The following STK10 variants were observed in gnomAD, a reference collection of about 807,000 sequenced individuals.
STK10 encodes serine/threonine kinase 10.
STK10 carries 78 observed loss-of-function variants against 113.8 expected under a neutral mutation model. The ratio of observed to expected loss-of-function variants is 0.69; its 90% CI spans 0.57 to 0.83. The LOEUF is 0.83. Ranked by LOEUF, STK10 falls within the 40% of genes least tolerant of loss-of-function variation. The probability of loss-of-function intolerance (pLI) is 0.00; values close to 1 mark genes in which losing one functional copy is unlikely to be tolerated. For synonymous variants in STK10, 465 were observed against 494.7 expected (o/e 0.94, Z 0.80); for missense variants, 1,109 against 1,280.1 (o/e 0.87, Z 2.04).
At chr5:172,050,714 T>C (rs1448737321) in intron 18 of STK10, among the ~76,000 whole-genome samples, 3 of 139,042 alleles carry the variant, frequency 2.2e-5, no homozygotes, top group Admixed American at 7.0e-5. Flanking sequence ...GCTTCTCAAT[T>C]TTTTTTTTTT....
At chr5:172,175,710 C>T (rs1391709607) in intron 1 of STK10, among the ~76,000 whole-genome samples, 3 of 152,156 alleles carry the variant, frequency 2.0e-5, no homozygotes, top group East Asian at 1.9e-4. Context: ...GAGTAGACAC[C>T]GCACTGAAGC....
At position 172,188,096 on chromosome 5, in the gene STK10, C is replaced by T. The variant is rs1336430174; in HGVS notation, c.-54G>A. ...GCTCGGGCTCGGGCTCGGGCTGTGG[C>T]TTCGGCGGCCGCGAGGAGAAGGAGG... On this transcript the variant is annotated 5_prime_UTR_variant, in exon 1 of 19. Transcript: ENST00000176763. The surrounding 1 kb of genome is among the most constrained non-coding windows in gnomAD (Gnocchi z 5.6). 6.3e-7 allele frequency: 1 copy of T among 1,578,570 alleles called. No individual in the cohort carries two copies. The highest frequency in any genetic ancestry group is 8.6e-7 in the Non-Finnish European group (1 of 1,162,804).
rs575483128 is a variant in STK10, at chr5:172,082,794, G to T, written c.1809+167C>A. 6.6e-6 allele frequency among the ~76,000 whole-genome samples: 1 copy of T among 152,280 alleles called. No individual in the cohort carries two copies. The highest frequency in any genetic ancestry group is 6.5e-5 in the Admixed American group (1 of 15,294). ...TCAGGATCGCTGTGACCTTCACGGG[G>T]TTCTGTGTTAACAAGTCACTGCCTA... On this transcript the variant is annotated intron_variant, in intron 11 of 18. Coordinates refer to ENST00000176763, the MANE Select transcript of STK10 (RefSeq NM_005990.4). The surrounding 1 kb of genome is among the most constrained non-coding windows in gnomAD (Gnocchi z 4.3).
At chr5:172,128,883 G>A (rs1403845902) in intron 2 of STK10, among the ~76,000 whole-genome samples, 4 of 152,228 alleles carry the variant, frequency 2.6e-5, no homozygotes, top group Admixed American at 2.0e-4. Flanking sequence ...GGAGGGTGGA[G>A]CAGCCTCAGG....
At chr5:172,065,012 T>C (rs1314426016) in intron 12 of STK10, among the ~76,000 whole-genome samples, 200 bp from the exon 13 acceptor site, 1 of 152,222 alleles carries the variant, frequency 6.6e-6, no homozygotes, top group Admixed American at 6.5e-5. Context: ...GCCGCTGGTT[T>C]CAGCTTCCAA....
chr5:172,078,779 T>TCAG (rs74647425), intron 12 of STK10, among the ~76,000 whole-genome samples: 32,064 of 151,914 alleles, frequency 0.21, 4,399 homozygotes, highest in African/African-American at 0.38. Flanking sequence ...ACGCTCTGCC[T>TCAG]CGTTCAGAGG....
At chr5:172,147,142 A>G (rs1339524163) in intron 2 of STK10, among the ~76,000 whole-genome samples, 3 of 152,198 alleles carry the variant, frequency 2.0e-5, no homozygotes, top group African/African-American at 7.2e-5. Flanking sequence ...ATTACAAAAG[A>G]TACAGATGAA....
intron 1 of STK10, among the ~76,000 whole-genome samples, chr5:172,175,494 C>G (rs1770742132): frequency 6.6e-6 from 1 of 152,134 alleles, no homozygotes; most frequent in African/African-American, 2.4e-5. Context: ...CCAGCAGCCC[C>G]ACCCACCAGG....
chr5:172,044,949 C>A lies in STK10; in HGVS notation c.2840G>T (p.Cys947Phe), dbSNP rs56355550. The part of the protein sequence containing the change: ...MFFKLSEEAE[C>F]PNPSTPSKAA... ...CTTGCTTGGGGTGGAGGGGTTTGGGCACTCCGCCTCCTCGCTCAGCTTGAA... is the reference window on the plus strand; with the variant it reads ...CTTGCTTGGGGTGGAGGGGTTTGGGAACTCCGCCTCCTCGCTCAGCTTGAA... The change falls in exon 19 of 19, where the codon TGC becomes TTC. Residue 947 changes from cysteine (C) to phenylalanine (F), a missense_variant. Transcript: ENST00000176763. The surrounding 1 kb of genome is among the most constrained non-coding windows in gnomAD (Gnocchi z 4.5). 5.0e-6 allele frequency: 8 copies of A among 1,614,072 alleles called. No individual in the cohort carries two copies. Among genetic ancestry groups the A allele is most frequent in the Middle Eastern group, 1.6e-4 (1 of 6,082 alleles).
chr5:172,144,321 C>G (rs1770038536), intron 2 of STK10, among the ~76,000 whole-genome samples: 3 of 152,234 alleles, frequency 2.0e-5, no homozygotes, highest in Non-Finnish European at 4.4e-5. Flanking sequence ...GCATGACCAT[C>G]AGCCCCCCAG....
intron 10 of STK10, among the ~76,000 whole-genome samples, chr5:172,085,701 A>AAT (rs1768539469): frequency 6.9e-6 from 1 of 145,808 alleles, no homozygotes; most frequent in African/African-American, 2.5e-5. Flanking sequence ...AAAAAAAAAA[A>AAT]AGAGAGAGAA....
At chr5:172,170,017 T>A (rs559445593) in intron 1 of STK10, among the ~76,000 whole-genome samples, 1 of 152,302 alleles carries the variant, frequency 6.6e-6, no homozygotes, top group South Asian at 2.1e-4. Context: ...GTTACTGTTC[T>A]CTCTTGGAAC....
intron 7 of STK10, among the ~76,000 whole-genome samples, chr5:172,102,891 T>G (rs1239001608): frequency 8.4e-6 from 1 of 119,288 alleles, no homozygotes; most frequent in Non-Finnish European, 1.6e-5. Context: ...ATGAGGAAAC[T>G]GAGGCACAGA....
At chr5:172,181,886 A>G (rs1345428813) in intron 1 of STK10, among the ~76,000 whole-genome samples, 1 of 152,174 alleles carries the variant, frequency 6.6e-6, no homozygotes, top group Non-Finnish European at 1.5e-5. Flanking sequence ...CCACAACATC[A>G]AAAGTCTAGA....
chr5:172,059,507 C>T (rs1767883998), intron 14 of STK10, among the ~76,000 whole-genome samples: 1 of 151,524 alleles, frequency 6.6e-6, no homozygotes, highest in Non-Finnish European at 1.5e-5. Context: ...ACTTTGCATA[C>T]CCCATGAAAC....
chr5:172,164,394 C>T (rs1479276957), intron 1 of STK10, among the ~76,000 whole-genome samples: 1 of 152,088 alleles, frequency 6.6e-6, no homozygotes, highest in African/African-American at 2.4e-5. Context: ...GGCACTAAAG[C>T]TGAGAGAGGG....
chr5:172,105,509 G>C, intron 7 of STK10, 147 bp downstream of exon 7: 1 of 790,486 alleles, frequency 1.3e-6, no homozygotes, highest in Non-Finnish European at 2.0e-6. Context: ...TGGCATTCAG[G>C]AGGTGCCTGG....
chr5:172,064,839 T>C (rs1279215696), intron 12 of STK10, 27 bp from the exon 13 acceptor site: 3 of 1,611,340 alleles, frequency 1.9e-6, no homozygotes, highest in African/African-American at 2.7e-5. Flanking sequence ...AGAGAGTAGC[T>C]GGGTCAGGGT....
Position 172,093,661 on chromosome 5 carries a change from C to G in STK10, c.1305G>C (p.Gly435=), listed in dbSNP as rs1217144749. ...ATCTGTTGGCTGCTGGGCTGAGGTCCCCACCCTGCTCAGCAACTTGCTTCT... is the reference window on the plus strand; with the variant it reads ...ATCTGTTGGCTGCTGGGCTGAGGTCGCCACCCTGCTCAGCAACTTGCTTCT... ...AQEKQVAEQG[G]DLSPAANRSQ... is the part of the protein sequence containing the mutation. Residue 435 remains glycine, a synonymous_variant, in exon 9 of 19, where the codon GGG becomes GGC. Coordinates refer to ENST00000176763, the MANE Select transcript of STK10 (RefSeq NM_005990.4). The surrounding 1 kb of genome is among the most constrained non-coding windows in gnomAD (Gnocchi z 4.1). The G allele has an allele frequency of 6.2e-7, 1 of 1,614,262 alleles. No individual in the cohort carries two copies. Among genetic ancestry groups the G allele is most frequent in the Non-Finnish European group, 8.5e-7 (1 of 1,180,056 alleles).
Sources: allele counts gnomAD v4.1 joint callset (sites outside exome capture counted in the v4.1 genomes callset), GRCh38; gene constraint gnomAD v4.1.1; non-coding constraint Gnocchi (gnomAD v3.1); transcripts MANE v1.5; gene names NCBI Gene and HGNC (gene_info 2026-07-23, HGNC 2026-07-21).